PRKG1: variants seen among roughly 807,000 people sequenced by gnomAD.
The protein encoded by PRKG1 is protein kinase cGMP-dependent 1.
PRKG1 carries 35 observed loss-of-function variants against 88.1 expected under a neutral mutation model. The observed-to-expected ratio is 0.40, with a 90% confidence interval of 0.30 to 0.53. The LOEUF is 0.53. Ranked by LOEUF, PRKG1 falls within the 20% of genes least tolerant of loss-of-function variation. The pLI is 0.59. For missense variants in PRKG1, 540 were observed against 839.8 expected, an observed-to-expected ratio of 0.64 and a Z score of 4.41; for synonymous variants, 303 against 292.5, an observed-to-expected ratio of 1.04 and a Z score of -0.37.
At chr10:52,166,806 T>TGTATATATATATATAG (rs1838466143) in intron 9 of PRKG1, among the ~76,000 whole-genome samples, 1 of 1,312 alleles carries the variant, frequency 7.6e-4, no homozygotes. Flanking sequence ...TACATATATA[T>TGTATATATATATATAG]ATGTATATAT....
chr10:51,288,998 T>A (rs903305955), intron 2 of PRKG1, among the ~76,000 whole-genome samples: 1 of 152,172 alleles, frequency 6.6e-6, no homozygotes, highest in Admixed American at 6.5e-5. Flanking sequence ...CATGTTTAAT[T>A]AGACTCTTAT....
chr10:51,688,141 T>C (rs1221744228), intron 3 of PRKG1, among the ~76,000 whole-genome samples: 1 of 152,208 alleles, frequency 6.6e-6, no homozygotes, highest in Non-Finnish European at 1.5e-5. Context: ...TTGTTTTCAC[T>C]TTCTTGTAGG....
rs79421839 is a variant in PRKG1, at chr10:51,469,012, C to T, written c.592+1176C>T. Reference sequence around the variant, plus strand: ...TCTTCCTTGGCAGTTGATTCTTGATCTCTGAAAGCATAGGACTCTTTTGAT... The same window carrying T: ...TCTTCCTTGGCAGTTGATTCTTGATTTCTGAAAGCATAGGACTCTTTTGAT... On this transcript the variant is annotated intron_variant, in intron 3 of 17. Transcript: ENST00000373980. Among the ~76,000 whole-genome samples the T allele has an allele frequency of 3.0e-3, 459 of 151,852 alleles. 5 individuals are homozygous for T. Among genetic ancestry groups the T allele is most frequent in the African/African-American group, 0.011 (440 of 41,504 alleles).
At chr10:51,512,070 G>A (rs1462065740) in intron 3 of PRKG1, among the ~76,000 whole-genome samples, 2 of 151,892 alleles carry the variant, frequency 1.3e-5, no homozygotes, top group Non-Finnish European at 2.9e-5. Flanking sequence ...ACCAACATTG[G>A]CAAAACTATA....
chr10:52,154,758 A>C (rs1219117108), intron 8 of PRKG1, among the ~76,000 whole-genome samples: 1 of 152,138 alleles, frequency 6.6e-6, no homozygotes, highest in East Asian at 1.9e-4. Flanking sequence ...AATAGCGTAC[A>C]CTGTACCCAG....
At chr10:51,434,700 T>C (rs1308314925) in intron 2 of PRKG1, among the ~76,000 whole-genome samples, 1 of 152,088 alleles carries the variant, frequency 6.6e-6, no homozygotes, top group Admixed American at 6.6e-5. Flanking sequence ...CTCATCTGAT[T>C]TTTAGGAATT....
intron 3 of PRKG1, among the ~76,000 whole-genome samples, chr10:51,558,805 A>G (rs551533541): frequency 4.7e-4 from 71 of 152,234 alleles, no homozygotes; most frequent in African/African-American, 1.6e-3. Context: ...GCAGGTAGAT[A>G]AAAATCTCTG....
intron 3 of PRKG1, among the ~76,000 whole-genome samples, chr10:51,503,181 A>C (rs901100589): frequency 2.6e-5 from 4 of 152,110 alleles, no homozygotes; most frequent in African/African-American, 9.7e-5. Flanking sequence ...GAGTGCTCTC[A>C]CTACATCCTC....
At chr10:51,050,326 C>T (rs1271055794) in intron 1 of PRKG1, among the ~76,000 whole-genome samples, 45 of 151,866 alleles carry the variant, frequency 3.0e-4, no homozygotes, top group Non-Finnish European at 1.0e-4. Context: ...CCTGTTTTCC[C>T]CTCCCCCAAC....
intron 5 of PRKG1, among the ~76,000 whole-genome samples, chr10:52,039,581 A>G (rs1026603159): frequency 6.6e-6 from 1 of 152,064 alleles, no homozygotes; most frequent in African/African-American, 2.4e-5. Context: ...TTGAAATGCT[A>G]CTGTACCAGT....
chr10:51,412,384 C>T (rs961672277), intron 2 of PRKG1, among the ~76,000 whole-genome samples: 2 of 152,138 alleles, frequency 1.3e-5, no homozygotes, highest in Non-Finnish European at 2.9e-5. Flanking sequence ...GTGTCTCACG[C>T]CTGGAATCCC....
At chr10:52,071,586 GC>G (rs988518050) in intron 7 of PRKG1, among the ~76,000 whole-genome samples, 2 of 141,406 alleles carry the variant, frequency 1.4e-5, no homozygotes, top group African/African-American at 5.3e-5. Flanking sequence ...CTTTTGGGGT[GC>G]ACATTCTTCC....
chr10:52,034,288 G>T (rs1351276206), intron 5 of PRKG1, among the ~76,000 whole-genome samples: 1 of 140,920 alleles, frequency 7.1e-6, no homozygotes, highest in Non-Finnish European at 1.5e-5. Context: ...TTGGGTGGTG[G>T]TATGGAGAGA....
At chr10:52,041,968 C>CA (rs2133231778) in intron 5 of PRKG1, among the ~76,000 whole-genome samples, 1 of 151,920 alleles carries the variant, frequency 6.6e-6, no homozygotes, top group Non-Finnish European at 1.5e-5. Flanking sequence ...TTCACACACA[C>CA]AAAAATTAGA....
rs548253998 is a variant in PRKG1 at position 51,392,930 on chromosome 10, C to T, written c.479-74793C>T. ...GGGCTGACCACCCCCACCTCCCTCC[C>T]GGACGGGGCGGCTGGCCGGGCTGAG... On this transcript the variant is annotated intron_variant, in intron 2 of 17. Transcript: ENST00000373980. Among the ~76,000 whole-genome samples the T allele has an allele frequency of 2.5e-3, 185 of 74,144 alleles. 4 individuals carry two copies. Among genetic ancestry groups the T allele is most frequent in the African/African-American group, 6.8e-3 (182 of 26,958 alleles). The allele number at this position is 74,144 out of a possible 152,430, so 48.6% of individuals were successfully genotyped here.
At chr10:51,403,518 C>A (rs1199369778) in intron 2 of PRKG1, among the ~76,000 whole-genome samples, 4 of 152,178 alleles carry the variant, frequency 2.6e-5, no homozygotes, top group Admixed American at 2.6e-4. Context: ...ATTTACTCCT[C>A]TACAACATCC....
At chr10:51,287,405 A>G (rs1306935964) in intron 2 of PRKG1, among the ~76,000 whole-genome samples, 1 of 152,204 alleles carries the variant, frequency 6.6e-6, no homozygotes, top group Non-Finnish European at 1.5e-5. Flanking sequence ...TTGGCTCTCA[A>G]TAATTTCTTC....
intron 5 of PRKG1, among the ~76,000 whole-genome samples, chr10:51,963,466 T>C (rs1843493998): frequency 6.6e-6 from 1 of 152,082 alleles, no homozygotes; most frequent in African/African-American, 2.4e-5. Flanking sequence ...TATTTATTTA[T>C]TATTATTTTT....
chr10:51,360,051 G>C (rs867623502), intron 2 of PRKG1, among the ~76,000 whole-genome samples: 2 of 151,860 alleles, frequency 1.3e-5, no homozygotes, highest in South Asian at 4.1e-4. Context: ...CATAATGAGG[G>C]AAAATGTTAG....
Sources: allele counts gnomAD v4.1 joint callset (sites outside exome capture counted in the v4.1 genomes callset), GRCh38; gene constraint gnomAD v4.1.1; transcripts MANE v1.5; gene names NCBI Gene and HGNC (gene_info 2026-07-23, HGNC 2026-07-21).